The following XYLT1 variants were observed in gnomAD, a reference collection of about 807,000 sequenced individuals.
The protein encoded by XYLT1 is xylosyltransferase 1.
Under a neutral mutation model 91.3 loss-of-function variants are expected in XYLT1, and 36 were observed. The ratio of observed to expected loss-of-function variants is 0.39; its 90% CI spans 0.30 to 0.52. The LOEUF (loss-of-function observed/expected upper bound fraction) is 0.52, where lower values mean the gene tolerates loss of function less well. XYLT1 is among the 20% of genes least tolerant of loss of function. The probability of loss-of-function intolerance (pLI) is 0.68; values close to 1 mark genes in which losing one functional copy is unlikely to be tolerated. For synonymous variants in XYLT1, 588 were observed against 532.0 expected, an observed-to-expected ratio of 1.11 and a Z score of -1.45; for missense variants, 1,242 against 1,284.5, an observed-to-expected ratio of 0.97 and a Z score of 0.51.
chr16:17,366,459 C>T (rs764900921), intron 1 of XYLT1, among the ~76,000 whole-genome samples: 1 of 152,148 alleles, frequency 6.6e-6, no homozygotes, highest in Non-Finnish European at 1.5e-5. Context: ...TCCGTGGAGG[C>T]CAAGGCTGAC....
In XYLT1 at chr16:17,140,349, T is replaced by C. The variant is rs1326469858; in HGVS notation, c.1587+804A>G. On this transcript the variant is annotated intron_variant, in intron 7 of 11. Transcript: ENST00000261381. ...AGGTGGTCATTACATGATTGGTCATTGTGAAGGATGCGTCAAAAGTTGATG... is the reference window on the plus strand; with the variant it reads ...AGGTGGTCATTACATGATTGGTCATCGTGAAGGATGCGTCAAAAGTTGATG... Among the ~76,000 whole-genome samples the C allele has an allele frequency of 2.6e-5, 4 of 152,044 alleles. No individual in the cohort carries two copies. The East Asian group carries it at 5.8e-4, about 22-fold the overall frequency.
At chr16:17,310,390 G>A (rs570647642) in intron 2 of XYLT1, among the ~76,000 whole-genome samples, 7 of 152,302 alleles carry the variant, frequency 4.6e-5, no homozygotes, top group African/African-American at 1.7e-4. Context: ...TCCGTACACT[G>A]GGAATTTAAT....
intron 2 of XYLT1, among the ~76,000 whole-genome samples, chr16:17,335,384 G>A (rs1334611099): frequency 4.6e-5 from 7 of 151,984 alleles, no homozygotes; most frequent in Non-Finnish European, 5.9e-5. Flanking sequence ...GCAGAAGAGC[G>A]CAGCCCAGAA....
At chr16:17,177,234 G>T (rs2031966241) in intron 5 of XYLT1, among the ~76,000 whole-genome samples, 1 of 152,098 alleles carries the variant, frequency 6.6e-6, no homozygotes, top group Admixed American at 6.5e-5. Flanking sequence ...CCAGCCTGCT[G>T]CCCATCTCCT....
chr16:17,378,359 TC>T (rs1332571241), intron 1 of XYLT1, among the ~76,000 whole-genome samples: 1 of 152,176 alleles, frequency 6.6e-6, no homozygotes, highest in Non-Finnish European at 1.5e-5. Context: ...ATATACACTG[TC>T]ATCTTGATTA....
chr16:17,172,589 AGCCTCC>A (rs1259389108), intron 5 of XYLT1, among the ~76,000 whole-genome samples: 1 of 148,294 alleles, frequency 6.7e-6, no homozygotes. Context: ...ATCCTGCCTC[AGCCTCC>A]TGAGTAGCTG....
chr16:17,203,449 C>T lies in XYLT1; in HGVS notation c.914-2795G>A, dbSNP rs529812125. On this transcript the variant is annotated intron_variant, in intron 3 of 11. Coordinates refer to ENST00000261381, the MANE Select transcript of XYLT1 (RefSeq NM_022166.4). ...CCACCCATTTATCCATTTATTTGTC[C>T]ATCCAAATCCAACCACTAATCTGTC... Among the ~76,000 whole-genome samples, 213 of 152,086 alleles carry T rather than the reference C, an allele frequency of 1.4e-3. 1 individual carries two copies. Among genetic ancestry groups the T allele is most frequent in the African/African-American group, 4.9e-3 (203 of 41,478 alleles).
chr16:17,173,241 T>C (rs2031866591), intron 5 of XYLT1, among the ~76,000 whole-genome samples: 1 of 152,198 alleles, frequency 6.6e-6, no homozygotes. Flanking sequence ...GTGTAGTAGA[T>C]GAAGGCAGAT....
intron 1 of XYLT1, among the ~76,000 whole-genome samples, chr16:17,448,012 C>A (rs560346838): frequency 1.3e-5 from 2 of 152,142 alleles, no homozygotes; most frequent in Non-Finnish European, 2.9e-5. Context: ...ATTAAGGAAA[C>A]ATACACATCA....
intron 1 of XYLT1, among the ~76,000 whole-genome samples, chr16:17,459,346 G>A (rs962604963): frequency 6.6e-6 from 1 of 152,156 alleles, no homozygotes; most frequent in African/African-American, 2.4e-5. Flanking sequence ...CATTCTAGCC[G>A]GGGTGACGTA....
In XYLT1 at chr16:17,115,668, G is replaced by C. The variant is rs183201935; in HGVS notation, c.2557+1978C>G. ...TAATTTTTGTATTTTTAGTAGATGG[G>C]GTTTCACCATGTTGGCCAGGCTGGT... On this transcript the variant is annotated intron_variant, in intron 11 of 11. Coordinates refer to ENST00000261381, the MANE Select transcript of XYLT1 (RefSeq NM_022166.4). Among the ~76,000 whole-genome samples, 1,117 of 151,398 alleles carry C rather than the reference G, an allele frequency of 7.4e-3. 14 individuals are homozygous for C. The highest frequency in any genetic ancestry group is 0.025 in the African/African-American group (1,047 of 41,268).
At chr16:17,449,190 A>C (rs564949773) in intron 1 of XYLT1, among the ~76,000 whole-genome samples, 1 of 151,914 alleles carries the variant, frequency 6.6e-6, no homozygotes, top group East Asian at 1.9e-4. Flanking sequence ...CCTCTCTTCC[A>C]CTCTCTCCTG....
intron 2 of XYLT1, among the ~76,000 whole-genome samples, chr16:17,340,524 C>CA (rs2035051285): frequency 6.6e-6 from 1 of 152,192 alleles, no homozygotes; most frequent in Non-Finnish European, 1.5e-5. Context: ...GAACAATCGC[C>CA]ACCATTACCA....
intron 5 of XYLT1, among the ~76,000 whole-genome samples, chr16:17,168,228 C>A (rs990993569): frequency 6.6e-6 from 1 of 152,144 alleles, no homozygotes; most frequent in Non-Finnish European, 1.5e-5. Context: ...AAGGAAGATG[C>A]GGTACATACA....
chr16:17,378,526 G>C (rs904968117), intron 1 of XYLT1, among the ~76,000 whole-genome samples: 2 of 152,142 alleles, frequency 1.3e-5, no homozygotes, highest in African/African-American at 4.8e-5. Context: ...TAGTATTCTA[G>C]CAAGATGTCT....
At chr16:17,186,860 G>A (rs2032194759) in intron 5 of XYLT1, among the ~76,000 whole-genome samples, 1 of 152,146 alleles carries the variant, frequency 6.6e-6, no homozygotes, top group African/African-American at 2.4e-5. Flanking sequence ...TATTGCAGGT[G>A]TAAGGTGAAG....
chr16:17,124,350 A>C lies in XYLT1; in HGVS notation c.2223+3316T>G, dbSNP rs1279343494. ...GGTGAATTATCTTAGCATTTTTCTG[A>C]AAAAACTGTATCTTTCATTTATGAA... On this transcript the variant is annotated intron_variant, in intron 10 of 11. Transcript: ENST00000261381. Among the ~76,000 whole-genome samples the C allele has an allele frequency of 2.0e-5, 3 of 151,876 alleles. No homozygotes were observed. The East Asian group carries it at 5.8e-4, about 29-fold the overall frequency.
chr16:17,218,816 T>G (rs2032908393), intron 3 of XYLT1, among the ~76,000 whole-genome samples: 1 of 152,172 alleles, frequency 6.6e-6, no homozygotes, highest in South Asian at 2.1e-4. Flanking sequence ...GAGATCACTG[T>G]AAAAACTTTG....
At chr16:17,386,659 A>C (rs1385356724) in intron 1 of XYLT1, among the ~76,000 whole-genome samples, 1 of 152,212 alleles carries the variant, frequency 6.6e-6, no homozygotes, top group African/African-American at 2.4e-5. Flanking sequence ...TGTCAATTGC[A>C]TCCAAGAAGA....
Sources: allele counts gnomAD v4.1 joint callset (sites outside exome capture counted in the v4.1 genomes callset), GRCh38; gene constraint gnomAD v4.1.1; transcripts MANE v1.5; gene names NCBI Gene and HGNC (gene_info 2026-07-23, HGNC 2026-07-21).